Variants in HSD17B12 observed in about 807,000 individuals in gnomAD.
The protein encoded by HSD17B12 is hydroxysteroid 17-beta dehydrogenase 12, also known as very-long-chain 3-oxoacyl-CoA reductase.
Under a neutral mutation model 39.3 loss-of-function variants are expected in HSD17B12, and 32 were observed. The ratio of observed to expected loss-of-function variants is 0.81; its 90% confidence interval spans 0.61 to 1.09. The LOEUF (loss-of-function observed/expected upper bound fraction) is 1.09, where lower values mean the gene tolerates loss of function less well. HSD17B12 is among the 50% of genes least tolerant of loss of function. HSD17B12 has a pLI of 0.00. For synonymous variants in HSD17B12, 150 were observed against 146.7 expected, an observed-to-expected ratio of 1.02 and a Z score of -0.16; for missense variants, 342 against 382.9, an observed-to-expected ratio of 0.89 and a Z score of 0.89.
the HSD17B12 span, among the ~76,000 whole-genome samples, chr11:43,593,997 T>C: frequency 1.3e-5 from 2 of 152,308 alleles, 1 homozygote; most frequent in South Asian, 4.1e-4. Flanking sequence ...TCACTGCTGT[T>C]AAATTTGCCA....
chr11:43,824,492 T>C (rs1305604762), intron 6 of HSD17B12, among the ~76,000 whole-genome samples: 1 of 152,176 alleles, frequency 6.6e-6, no homozygotes, highest in African/African-American at 2.4e-5. Flanking sequence ...CCAGATTTGG[T>C]GTCGAGTGAG....
At chr11:43,734,406 A>G (rs941954427) in intron 1 of HSD17B12, 1 of 787,574 alleles carries the variant, frequency 1.3e-6, no homozygotes, top group South Asian at 1.4e-5. Context: ...GGTGACTCTA[A>G]GGCAGCCGAG....
At chr11:43,748,301 TC>T (rs1302870083) in intron 1 of HSD17B12, among the ~76,000 whole-genome samples, 1 of 152,132 alleles carries the variant, frequency 6.6e-6, no homozygotes, top group African/African-American at 2.4e-5. Context: ...TAAAATCATG[TC>T]CTTTGCAGCA....
At chr11:43,569,508 A>T in the HSD17B12 span, 2 of 152,182 alleles carry the variant, frequency 1.3e-5, no homozygotes, top group African/African-American at 4.8e-5. Context: ...CAGAAAAGTG[A>T]CTTCTTGATG....
At chr11:43,767,004 A>T (rs1396542916) in intron 3 of HSD17B12, among the ~76,000 whole-genome samples, 1 of 152,184 alleles carries the variant, frequency 6.6e-6, no homozygotes, top group Non-Finnish European at 1.5e-5. Flanking sequence ...CTAAATTAGC[A>T]TGTGTTGGTC....
At chr11:43,739,994 G>C (rs950981388) in intron 1 of HSD17B12, among the ~76,000 whole-genome samples, 1 of 152,134 alleles carries the variant, frequency 6.6e-6, no homozygotes, top group African/African-American at 2.4e-5. Context: ...GATTGAATTG[G>C]AGAGGAGTAA....
intron 1 of HSD17B12, among the ~76,000 whole-genome samples, chr11:43,707,294 A>G (rs1950025528): frequency 6.6e-6 from 1 of 152,222 alleles, no homozygotes. Context: ...CGTACTAAGA[A>G]GAAAAATAAA....
intron 1 of HSD17B12, among the ~76,000 whole-genome samples, chr11:43,746,522 G>A (rs1304752910): frequency 6.6e-6 from 1 of 152,110 alleles, no homozygotes; most frequent in East Asian, 1.9e-4. Flanking sequence ...CACACATAGA[G>A]CTGCCATCTC....
At chr11:43,696,806 T>C (rs900727703) in intron 1 of HSD17B12, among the ~76,000 whole-genome samples, 2 of 151,974 alleles carry the variant, frequency 1.3e-5, no homozygotes, top group African/African-American at 4.8e-5. Context: ...ATGTGGTACA[T>C]ACACACCATG....
intron 4 of HSD17B12, among the ~76,000 whole-genome samples, chr11:43,805,841 C>G (rs916503839): frequency 1.1e-4 from 16 of 151,970 alleles, no homozygotes; most frequent in African/African-American, 3.6e-4. Context: ...TGGAGATCTT[C>G]AGACCATCTA....
At chr11:43,654,339 G>C in the HSD17B12 span, among the ~76,000 whole-genome samples, 5 of 152,162 alleles carry the variant, frequency 3.3e-5, no homozygotes, top group African/African-American at 1.2e-4. Flanking sequence ...CTCCCATTCT[G>C]TAGGTTGCCT....
intron 3 of HSD17B12, among the ~76,000 whole-genome samples, chr11:43,786,357 A>G (rs1950815910): frequency 6.6e-6 from 1 of 152,230 alleles, no homozygotes; most frequent in African/African-American, 2.4e-5. Context: ...TCATCAAGGG[A>G]TATTTTTAAA....
intron 4 of HSD17B12, among the ~76,000 whole-genome samples, chr11:43,801,766 A>C (rs1950971932): frequency 6.6e-6 from 1 of 151,880 alleles, no homozygotes; most frequent in South Asian, 2.1e-4. Context: ...ATCCAAGGAG[A>C]ATAGAGAGAA....
the HSD17B12 span, among the ~76,000 whole-genome samples, chr11:43,620,116 G>A: frequency 7.0e-4 from 107 of 152,288 alleles, no homozygotes; most frequent in Non-Finnish European, 1.3e-3. Context: ...CAGCAAATCC[G>A]GATCCTGGCC....
intron 3 of HSD17B12, among the ~76,000 whole-genome samples, chr11:43,784,379 C>T (rs1467415698): frequency 2.0e-5 from 3 of 148,256 alleles, no homozygotes; most frequent in Non-Finnish European, 4.5e-5. Flanking sequence ...TGACACCAGG[C>T]CATCTGGCTA....
intron 1 of HSD17B12, among the ~76,000 whole-genome samples, chr11:43,708,123 A>G (rs536523515): frequency 1.4e-4 from 22 of 152,346 alleles, no homozygotes; most frequent in African/African-American, 5.0e-4. Flanking sequence ...GGATGCAAAC[A>G]TTCAGTCCCA....
chr11:43,731,874 G>A (rs894470114), intron 1 of HSD17B12, among the ~76,000 whole-genome samples: 2 of 152,144 alleles, frequency 1.3e-5, no homozygotes, highest in African/African-American at 4.8e-5. Context: ...AAAAATGGCA[G>A]CATTAGCATG....
chr11:43,632,448 C>T, the HSD17B12 span, among the ~76,000 whole-genome samples: 1 of 152,202 alleles, frequency 6.6e-6, no homozygotes, highest in Admixed American at 6.5e-5. Flanking sequence ...TAAAAGAAAG[C>T]TGATGTCATT....
the HSD17B12 span, among the ~76,000 whole-genome samples, chr11:43,668,267 G>T: frequency 2.0e-5 from 3 of 152,168 alleles, no homozygotes; most frequent in African/African-American, 7.2e-5. Context: ...TAGAGGCTGT[G>T]CACATTCCTG....
Sources: allele counts gnomAD v4.1 joint callset (sites outside exome capture counted in the v4.1 genomes callset), GRCh38; gene constraint gnomAD v4.1.1; transcripts MANE v1.5; gene names NCBI Gene and HGNC (gene_info 2026-07-23, HGNC 2026-07-21).